Variants in MSI1 observed in about 807,000 individuals in gnomAD.
MSI1 encodes the protein musashi RNA binding protein 1, also known as RNA-binding protein Musashi homolog 1.
Under a neutral mutation model 54.4 loss-of-function variants are expected in MSI1, and 15 were observed. The observed-to-expected ratio is 0.28, with a 90% CI of 0.18 to 0.42. The LOEUF is 0.42. Ranked by LOEUF, MSI1 falls within the 20% of genes least tolerant of loss-of-function variation. The probability of loss-of-function intolerance (pLI) is 1.00; values close to 1 mark genes in which losing one functional copy is unlikely to be tolerated. For missense variants in MSI1, 304 were observed against 506.0 expected (o/e 0.60, Z 3.83); for synonymous variants, 200 against 196.5 (o/e 1.02, Z -0.15).
rs1425676854 is a variant in MSI1, at chr12:120,368,104, A to G, written c.183-12T>C. On this transcript the variant is annotated splice_polypyrimidine_tract_variant and intron_variant, in intron 3 of 14. Coordinates refer to ENST00000257552, the MANE Select transcript of MSI1 (RefSeq NM_002442.4). The surrounding 1 kb of genome is among the most constrained non-coding windows in gnomAD (Gnocchi z 6.6). ...CGAAGCCGAAACCCCTGCGCGCCGT[A>G]GTGAGGGAGAGGCAGATGGTTACAA... The G allele has an allele frequency of 6.2e-7, 1 of 1,612,712 alleles. No homozygotes were observed. Among genetic ancestry groups the G allele is most frequent in the East Asian group, 2.2e-5 (1 of 44,854 alleles).
Position 120,347,466 on chromosome 12 carries a change from G to A in MSI1, c.839C>T (p.Ala280Val), listed in dbSNP as rs976626221. 3.7e-6 allele frequency: 6 copies of A among 1,613,910 alleles called. No homozygotes were observed. The highest frequency in any genetic ancestry group is 4.2e-6 in the Non-Finnish European group (5 of 1,179,960). Residue 280 changes from alanine to valine, a missense_variant, in exon 12 of 15, where the codon GCG becomes GTG. By Grantham distance (64) the Ala-to-Val change is moderately conservative. This residue lies in a region of MSI1 where 147 missense variants were observed against 231.5 expected (regional missense o/e 0.64). Coordinates refer to ENST00000257552, the MANE Select transcript of MSI1 (RefSeq NM_002442.4). ...CTCACCTGTCCCTCGAACCACAGCC[G>A]CTGCCGCCGCTGCCGCCGCCATTGG... ...YGPMAAAAAAAAVVRGTGSHP... is the reference protein window; with the variant it reads ...YGPMAAAAAAVAVVRGTGSHP...
At chr12:120,361,152 G>A (rs1392117448) in intron 6 of MSI1, among the ~76,000 whole-genome samples, 2 of 152,110 alleles carry the variant, frequency 1.3e-5, no homozygotes, top group Non-Finnish European at 2.9e-5. Context: ...TGAGGACATC[G>A]TCTGTGTCAT....
chr12:120,364,573 C>T (rs529280216), intron 5 of MSI1, 141 bp downstream of exon 5: 1 of 763,524 alleles, frequency 1.3e-6, no homozygotes, highest in African/African-American at 1.8e-5. Context: ...GTCAAGAATC[C>T]CCTCTTCCCA....
intron 6 of MSI1, chr12:120,361,403 G>A (rs1467772621): frequency 6.6e-6 from 1 of 152,278 alleles, no homozygotes; most frequent in Non-Finnish European, 1.5e-5. Context: ...CCTGGGCCTT[G>A]GCTGGAGAGG....
At chr12:120,365,497 C>T (rs1875960239) in intron 4 of MSI1, among the ~76,000 whole-genome samples, 1 of 152,204 alleles carries the variant, frequency 6.6e-6, no homozygotes, top group Non-Finnish European at 1.5e-5. Context: ...GAGGGCCTTC[C>T]TTGCGTAACT....
chr12:120,340,914 G>C, downstream of MSI1, among the ~76,000 whole-genome samples: 1 of 131,296 alleles, frequency 7.6e-6, no homozygotes, highest in South Asian at 2.5e-4. Context: ...TTGAGACAGA[G>C]TCTCACTCTC....
chr12:120,345,520 A>C (rs1404729417), intron 14 of MSI1, 50 bp downstream of exon 14: 6 of 1,554,572 alleles, frequency 3.9e-6, no homozygotes, highest in Non-Finnish European at 5.3e-6. Flanking sequence ...ATGGCCCAGG[A>C]CAGGCTTCCC....
At chr12:120,350,188 C>G (rs540155242) in intron 11 of MSI1, among the ~76,000 whole-genome samples, 144 of 152,264 alleles carry the variant, frequency 9.5e-4, no homozygotes, top group African/African-American at 3.4e-3. Context: ...CCACACCTGG[C>G]TAGTTTTTTA....
At chr12:120,350,417 CCT>C (rs1356605631) in intron 11 of MSI1, among the ~76,000 whole-genome samples, 2 of 152,206 alleles carry the variant, frequency 1.3e-5, no homozygotes, top group Non-Finnish European at 2.9e-5. Flanking sequence ...CAGGGAAGAG[CCT>C]CTGTTACCTG....
intron 4 of MSI1, among the ~76,000 whole-genome samples, chr12:120,365,492 C>G (rs1219633980): frequency 1.3e-5 from 2 of 152,174 alleles, no homozygotes; most frequent in African/African-American, 4.8e-5. Context: ...AAATCGAGGG[C>G]CTTCCTTGCG....
chr12:120,351,521 A>G, intron 10 of MSI1, 121 bp from the exon 11 acceptor site: 1 of 799,472 alleles, frequency 1.3e-6, no homozygotes. Flanking sequence ...ACAGGACCCA[A>G]GAGCTGGGGA....
intron 5 of MSI1, 106 bp from the exon 6 acceptor site, chr12:120,363,241 T>C (rs1875796846): frequency 1.2e-6 from 1 of 867,242 alleles, no homozygotes; most frequent in Non-Finnish European, 1.8e-6. Flanking sequence ...AAGCTCTCTG[T>C]GGCCCCAGCC....
In MSI1 at chr12:120,363,122, G is replaced by A. The variant is rs1308278218; in HGVS notation, c.323C>T (p.Thr108Met). ...CAGCCCCCCCACAAAGATCTTCTTC[G>A]TTCGAGTCACCATCTGTTAGGGGAG... The part of the protein sequence containing the change: ...RRAQPKMVTR[T>M]KKIFVGGLSV... Residue 108 changes from threonine (T) to methionine (M), a missense_variant, in exon 6 of 15, where the codon ACG (threonine) becomes ATG (methionine). This residue lies in a region of MSI1 where 105 missense variants were observed against 230.1 expected (regional missense o/e 0.46). Transcript: ENST00000257552. The A allele has an allele frequency of 1.9e-6, 3 of 1,613,850 alleles. No individual in the cohort carries two copies. The highest frequency in any genetic ancestry group is 2.5e-6 in the Non-Finnish European group (3 of 1,179,948).
chr12:120,364,862 T>C lies in MSI1; in HGVS notation c.268-107A>G, dbSNP rs1261090007. ...CCTCTCTCCTCCCAGGACACAAAGG[T>C]GACAGAAATCACAAAAGCCTCTAGG... On this transcript the variant is annotated intron_variant, in intron 4 of 14. Transcript: ENST00000257552. 7.3e-6 allele frequency: 7 copies of C among 953,988 alleles called. No individual in the cohort carries two copies. The Admixed American group carries it at 1.9e-4, about 26-fold the overall frequency. 59.1% of individuals were successfully genotyped at this position (953,988 alleles called of 1,614,324 possible).
Position 120,368,207 on chromosome 12 carries a change from A to T in MSI1, c.167T>A (p.Leu56Gln). The T allele has an allele frequency of 6.3e-7, 1 of 1,586,422 alleles. No homozygotes were observed. The highest frequency in any genetic ancestry group is 8.6e-7 in the Non-Finnish European group (1 of 1,165,746). ...VKECLVMRDP[L>Q]TKRSRGFGFV... ...AGGGGCTCACCTGGATCTCTTGGTCAGGGGGTCCCGCATCACCAGACACTC... is the reference window on the plus strand; with the variant it reads ...AGGGGCTCACCTGGATCTCTTGGTCTGGGGGTCCCGCATCACCAGACACTC... Residue 56 changes from leucine (L) to glutamine (Q), a missense_variant, in exon 3 of 15, where the codon CTG becomes CAG. Physicochemically the swap from Leu to Gln is moderately radical, Grantham distance 113. Transcript: ENST00000257552. The surrounding 1 kb of genome is among the most constrained non-coding windows in gnomAD (Gnocchi z 6.6).
Position 120,353,403 on chromosome 12 carries a change from CA to C in MSI1, c.653-25del, listed in dbSNP as rs776167449. ...ACCTGATGGGGCAAGGGGGCAGTGT[CA>C]GATGGCTCATCCACAGGGCGGATCC... On this transcript the variant is annotated intron_variant, in intron 9 of 14. Coordinates refer to ENST00000257552, the MANE Select transcript of MSI1 (RefSeq NM_002442.4). 58 of 1,608,294 alleles carry C rather than the reference CA, an allele frequency of 3.6e-5. 1 individual carries two copies. In the South Asian group the frequency reaches 5.8e-4, roughly 16 times the overall value.
At chr12:120,358,287 T>C (rs1451965147) in intron 7 of MSI1, among the ~76,000 whole-genome samples, 4 of 152,166 alleles carry the variant, frequency 2.6e-5, no homozygotes, top group African/African-American at 9.7e-5. Context: ...CAAATGTACA[T>C]AGACACACAT....
At chr12:120,345,302 C>T (rs138176161) in intron 14 of MSI1, among the ~76,000 whole-genome samples, 72 of 152,128 alleles carry the variant, frequency 4.7e-4, no homozygotes, top group African/African-American at 1.6e-3. Flanking sequence ...GGTGACAGAA[C>T]GATATCTTGT....
chr12:120,346,614 C>G (rs914220067), intron 12 of MSI1, among the ~76,000 whole-genome samples: 3 of 152,148 alleles, frequency 2.0e-5, no homozygotes, highest in South Asian at 4.1e-4. Flanking sequence ...CTGCTACTTG[C>G]AATTTCCACT....
Sources: allele counts gnomAD v4.1 joint callset (sites outside exome capture counted in the v4.1 genomes callset), GRCh38; gene constraint gnomAD v4.1.1; regional missense constraint gnomAD v4.1.1; non-coding constraint Gnocchi (gnomAD v3.1); transcripts MANE v1.5; gene names NCBI Gene and HGNC (gene_info 2026-07-23, HGNC 2026-07-21).